The following HUWE1 variants were observed in gnomAD, a reference collection of about 807,000 sequenced individuals.
HUWE1 encodes the protein HECT, UBA and WWE domain containing E3 ubiquitin protein ligase 1.
HUWE1 carries 18 observed loss-of-function variants against 299.4 expected under a neutral mutation model. The observed-to-expected ratio is 0.06, with a 90% CI of 0.04 to 0.09. The LOEUF (loss-of-function observed/expected upper bound fraction) is 0.09, where lower values mean the gene tolerates loss of function less well. Among genes scored for constraint, HUWE1 ranks in the 10% least tolerant of loss-of-function variants. The pLI, the probability that HUWE1 is intolerant of heterozygous loss-of-function variation, is 1.00. For synonymous variants in HUWE1, 1,317 were observed against 1,286.1 expected (o/e 1.02, Z -0.51); for missense variants, 1,832 against 3,462.3 (o/e 0.53, Z 11.82).
chrX:53,610,107 C>G (rs2065365896), intron 23 of HUWE1, among the ~76,000 whole-genome samples: 1 of 111,437 alleles, frequency 9.0e-6, no homozygotes, highest in Non-Finnish European at 1.9e-5. Context: ...AGTTCCTCCT[C>G]AGAACCACTG....
intron 55 of HUWE1, among the ~76,000 whole-genome samples, chrX:53,561,367 C>A (rs2062282887): frequency 1.8e-5 from 2 of 112,692 alleles, no homozygotes; most frequent in Admixed American, 9.3e-5. Flanking sequence ...CAAAGCCAAG[C>A]TCAAAGGTGA....
Position 53,635,826 on chromosome X carries a change from A to G in HUWE1, c.505-1528T>C, listed in dbSNP as rs1011192025. 4.5e-5 allele frequency among the ~76,000 whole-genome samples: 5 copies of G among 111,803 alleles called. No homozygotes were observed. In the Admixed American group the frequency reaches 4.8e-4, roughly 11 times the overall value. On this transcript the variant is annotated intron_variant, in intron 7 of 83. Coordinates refer to ENST00000262854, the MANE Select transcript of HUWE1 (RefSeq NM_031407.7). ...ACTACTTGCCAAAGAAGTCTCAAAAACAAACAGTGTAAACCACTGAAGATG... is the reference window on the plus strand; with the variant it reads ...ACTACTTGCCAAAGAAGTCTCAAAAGCAAACAGTGTAAACCACTGAAGATG...
At position 53,562,118 on chromosome X, in the gene HUWE1, T is replaced by C. The variant is rs1556941764; in HGVS notation, c.7331A>G (p.Asp2444Gly). 1 of 1,200,665 alleles carries C rather than the reference T, an allele frequency of 8.3e-7. No homozygotes were observed. Among genetic ancestry groups the C allele is most frequent in the Non-Finnish European group, 1.1e-6 (1 of 885,934 alleles). The change falls in exon 54 of 84, where the codon GAT (aspartate) becomes GGT (glycine). Residue 2444 changes from aspartate (D) to glycine (G), a missense_variant. This residue lies in a region of HUWE1 where 170 missense variants were observed against 335.8 expected (regional missense o/e 0.51). Transcript: ENST00000262854. ...AACGCAGTCCCCCCTCACCTGATCA[T>C]CTTCCTCATCTTCCTCCTCCTCCTC... ...EEEEEEEDEE[D>G]DQEDDEGEEG...
At chrX:53,593,707 T>A in intron 31 of HUWE1, 106 bp from the exon 32 acceptor site, 1 of 573,529 alleles carries the variant, frequency 1.7e-6, no homozygotes, top group South Asian at 2.6e-5. Context: ...TACACGTCCC[T>A]CTTCTTAGAG....
chrX:53,598,726 T>C (rs782326546), intron 29 of HUWE1, among the ~76,000 whole-genome samples: 2 of 111,925 alleles, frequency 1.8e-5, no homozygotes, highest in East Asian at 5.6e-4. Flanking sequence ...TCAAACGTTA[T>C]ACATGGATTT....
At chrX:53,668,156 C>G (rs1418460515) in intron 3 of HUWE1, among the ~76,000 whole-genome samples, 1 of 110,657 alleles carries the variant, frequency 9.0e-6, no homozygotes, top group Non-Finnish European at 1.9e-5. Context: ...AAGATCAAAC[C>G]TCCCCGGCCG....
At chrX:53,584,860 A>T in intron 40 of HUWE1, 152 bp downstream of exon 40, 1 of 633,292 alleles carries the variant, frequency 1.6e-6, no homozygotes, top group Non-Finnish European at 2.5e-6. Context: ...GTCTTGGGCC[A>T]CACATAAACT....
intron 7 of HUWE1, 28 bp downstream of exon 7, chrX:53,645,283 C>A (rs1557034638): frequency 1.7e-6 from 2 of 1,208,194 alleles, no homozygotes; most frequent in Non-Finnish European, 2.2e-6. Flanking sequence ...AATTTTTGCA[C>A]CCCTCCAACT....
chrX:53,628,466 A>T, intron 15 of HUWE1, 27 bp downstream of exon 15: 1 of 382,864 alleles, frequency 2.6e-6, no homozygotes, highest in Non-Finnish European at 3.6e-6. Context: ...ATGTAGTTTA[A>T]AAAAAAAAAA....
chrX:53,570,201 C>A (rs1259215933), intron 47 of HUWE1, among the ~76,000 whole-genome samples: 5 of 103,989 alleles, frequency 4.8e-5, no homozygotes, highest in Non-Finnish European at 7.5e-5. Context: ...CATCGCACAC[C>A]ACAGTCTCAA....
At chrX:53,550,182 G>C (rs191506323) in intron 66 of HUWE1, among the ~76,000 whole-genome samples, 11 of 111,708 alleles carry the variant, frequency 9.8e-5, no homozygotes, top group Non-Finnish European at 1.7e-4. Context: ...GGTAAAATCT[G>C]ACCATACCTA....
At chrX:53,539,600 G>C (rs1449286185) in intron 75 of HUWE1, 57 bp downstream of exon 75, 2 of 1,144,698 alleles carry the variant, frequency 1.7e-6, no homozygotes, top group African/African-American at 3.6e-5. Context: ...AAGCTGGCAG[G>C]AAGGGCCCCA....
intron 37 of HUWE1, 116 bp from the exon 38 acceptor site, chrX:53,587,025 G>C (rs1556973978): frequency 2.3e-6 from 2 of 865,439 alleles, no homozygotes; most frequent in African/African-American, 4.0e-5. Context: ...AGAATTGGTT[G>C]AGTTCAAATT....
At chrX:53,624,721 GGT>G (rs1202669200) in intron 18 of HUWE1, 46 bp from the exon 19 acceptor site, 2 of 922,393 alleles carry the variant, frequency 2.2e-6, no homozygotes, top group African/African-American at 3.9e-5. Flanking sequence ...AGTCTGGAAA[GGT>G]GTGAGGAGTG....
In HUWE1 at chrX:53,551,070, A is replaced by G; in HGVS notation, c.9216T>C (p.Ser3072=). 2 of 1,211,741 alleles carry G rather than the reference A, an allele frequency of 1.7e-6. No homozygotes were observed. Among genetic ancestry groups the G allele is most frequent in the Non-Finnish European group, 2.2e-6 (2 of 895,426 alleles). ...IQTLPSDLRR[S]VLEDMEDSVL... The stretch of plus-strand genomic sequence containing the variant: ...CACTGTCCTCCATATCCTCTAGGAC[A>G]CTACGGCGCAGGTCTGAGGGCAGAG... Residue 3072 remains serine (S), a synonymous_variant, in exon 65 of 84, where the codon AGT becomes AGC. Coordinates refer to ENST00000262854, the MANE Select transcript of HUWE1 (RefSeq NM_031407.7).
intron 22 of HUWE1, among the ~76,000 whole-genome samples, chrX:53,615,540 AAC>A (rs782147878): frequency 2.3e-3 from 259 of 112,046 alleles, no homozygotes; most frequent in African/African-American, 8.1e-3. Context: ...AAAAAATTTT[AAC>A]AGAGACTTCT....
intron 19 of HUWE1, among the ~76,000 whole-genome samples, 188 bp from the exon 20 acceptor site, chrX:53,617,634 C>T (rs1018176064): frequency 8.9e-6 from 1 of 111,777 alleles, no homozygotes; most frequent in Non-Finnish European, 1.9e-5. Context: ...CTAGTGACTA[C>T]ACTTACAGGA....
intron 17 of HUWE1, 94 bp downstream of exon 17, chrX:53,627,316 G>A: frequency 1.8e-6 from 1 of 570,850 alleles, no homozygotes; most frequent in Non-Finnish European, 3.0e-6. Context: ...CAAGTTAATT[G>A]TGTACTTTGG....
Position 53,685,894 on chromosome X carries a change from C to T in HUWE1, c.-163+376G>A, listed in dbSNP as rs148012106. On this transcript the variant is annotated intron_variant, in intron 2 of 83. Coordinates refer to ENST00000262854, the MANE Select transcript of HUWE1 (RefSeq NM_031407.7). ...TCATTATGGCATTGCTTGTAATAGT[C>T]CCCTCCCTCCCCCAACAGAGAAACA... Among the ~76,000 whole-genome samples, 336 of 111,721 alleles carry T rather than the reference C, an allele frequency of 3.0e-3. 1 individual carries two copies. Among genetic ancestry groups the T allele is most frequent in the East Asian group, 6.4e-3 (23 of 3,582 alleles).
Sources: allele counts gnomAD v4.1 joint callset (sites outside exome capture counted in the v4.1 genomes callset), GRCh38; gene constraint gnomAD v4.1.1; regional missense constraint gnomAD v4.1.1; transcripts MANE v1.5; gene names NCBI Gene and HGNC (gene_info 2026-07-23, HGNC 2026-07-21).